Variants in FAM193A observed in about 807,000 individuals in gnomAD.
FAM193A encodes the protein family with sequence similarity 193 member A, also known as protein FAM193A.
A neutral mutation model predicts 126.5 loss-of-function variants in FAM193A; 22 were observed. The observed-to-expected ratio is 0.17, with a 90% CI of 0.12 to 0.25. The LOEUF is 0.25. FAM193A is among the 10% of genes least tolerant of loss of function. The probability of loss-of-function intolerance (pLI) is 1.00; values close to 1 mark genes in which losing one functional copy is unlikely to be tolerated. For missense variants in FAM193A, 1,675 were observed against 1,672.8 expected, an observed-to-expected ratio of 1.00 and a Z score of -0.02; for synonymous variants, 761 against 646.8, an observed-to-expected ratio of 1.18 and a Z score of -2.68.
intron 1 of FAM193A, among the ~76,000 whole-genome samples, chr4:2,553,064 T>C (rs918113502): frequency 5.3e-5 from 8 of 151,946 alleles, no homozygotes; most frequent in African/African-American, 1.7e-4. Context: ...GTCAGGCTGT[T>C]GTCAAACTCC....
chr4:2,624,609 C>T (rs1199974682), intron 2 of FAM193A, among the ~76,000 whole-genome samples: 1 of 152,218 alleles, frequency 6.6e-6, no homozygotes, highest in Non-Finnish European at 1.5e-5. Context: ...ATATCACTTT[C>T]CAGAGGTGCC....
At position 2,659,587 on chromosome 4, in the gene FAM193A, G is replaced by T; in HGVS notation, c.1419G>T (p.Glu473Asp). The T allele has an allele frequency of 6.2e-7, 1 of 1,614,054 alleles. No individual in the cohort carries two copies. Among genetic ancestry groups the T allele is most frequent in the Non-Finnish European group, 8.5e-7 (1 of 1,179,962 alleles). Residue 473 changes from glutamate (E) to aspartate (D), a missense_variant, in exon 9 of 21, where the codon GAG becomes GAT. By Grantham distance (45) the Glu-to-Asp change is conservative (BLOSUM62 2). Around this residue, in one of 4 missense-constraint regions of FAM193A, gnomAD observed 1,186 missense variants for 1,109.2 expected, o/e 1.07. Transcript: ENST00000637812. ...QLTNKKAVTG[E>D]NNFTDTMRHM... ...CCAATAAGAAAGCAGTTACTGGCGA[G>T]AACAACTTCACAGACACCATGAGGC... is the stretch of plus-strand genomic sequence containing the variant.
At chr4:2,576,270 T>C (rs1016851925) in intron 1 of FAM193A, among the ~76,000 whole-genome samples, 12 of 151,808 alleles carry the variant, frequency 7.9e-5, no homozygotes, top group South Asian at 4.2e-4. Flanking sequence ...GCTAATTCTT[T>C]TGTAATTTTA....
intron 4 of FAM193A, among the ~76,000 whole-genome samples, chr4:2,630,627 A>G (rs891802986): frequency 1.4e-4 from 21 of 152,202 alleles, no homozygotes; most frequent in Non-Finnish European, 8.8e-5. Flanking sequence ...GTGGGCCAAA[A>G]TGTCCCCTCT....
intron 17 of FAM193A, chr4:2,696,150 T>C (rs1717009513): frequency 2.0e-6 from 1 of 491,416 alleles, no homozygotes; most frequent in Non-Finnish European, 3.6e-6. Flanking sequence ...TTTTCATGAA[T>C]ATGTAAAATT....
chr4:2,725,971 T>A (rs1560623165), intron 20 of FAM193A, among the ~76,000 whole-genome samples: 1 of 151,716 alleles, frequency 6.6e-6, no homozygotes, highest in Non-Finnish European at 1.5e-5. Context: ...CGATTTCGGC[T>A]CACTGCAAGC....
chr4:2,699,536 G>A, intron 18 of FAM193A, 144 bp from the exon 19 acceptor site: 1 of 687,064 alleles, frequency 1.5e-6, no homozygotes, highest in Non-Finnish European at 2.4e-6. Context: ...GGAGGTGGGT[G>A]TGTGTTAAGT....
intron 1 of FAM193A, among the ~76,000 whole-genome samples, chr4:2,586,937 G>C (rs1740273105): frequency 6.6e-6 from 1 of 152,190 alleles, no homozygotes; most frequent in Non-Finnish European, 1.5e-5. Context: ...ACAGGAGTCA[G>C]CTGCCATGCT....
At chr4:2,701,481 C>A (rs1182855331) in intron 19 of FAM193A, among the ~76,000 whole-genome samples, 2 of 152,016 alleles carry the variant, frequency 1.3e-5, no homozygotes, top group African/African-American at 2.4e-5. Flanking sequence ...TCTTCCCAGT[C>A]AGGTTCAGAT....
rs187647979 is a variant in FAM193A at position 2,703,789 on chromosome 4, C to T, written c.4372+3245C>T. Among the ~76,000 whole-genome samples, 3 of 136,536 alleles carry T rather than the reference C, an allele frequency of 2.2e-5. No homozygotes were observed. In the Admixed American group the frequency reaches 2.4e-4, roughly 11 times the overall value. 89.6% of individuals were successfully genotyped at this position (136,536 alleles called of 152,430 possible). ...GACCAGCCTGGGCAATATAGCAAGA[C>T]CCCATCTCTACTAAAAAAAAAAAAA... On this transcript the variant is annotated intron_variant, in intron 19 of 20. Transcript: ENST00000637812.
intron 20 of FAM193A, among the ~76,000 whole-genome samples, chr4:2,716,609 G>A (rs1295325281): frequency 6.6e-6 from 1 of 152,130 alleles, no homozygotes; most frequent in Non-Finnish European, 1.5e-5. Context: ...TTTCCTGATG[G>A]GCAAGTTTTA....
intron 1 of FAM193A, among the ~76,000 whole-genome samples, chr4:2,547,560 C>T (rs1161793988): frequency 6.6e-6 from 1 of 150,508 alleles, no homozygotes; most frequent in Admixed American, 6.6e-5. Flanking sequence ...TAAAACTAGA[C>T]AGACAGTTTA....
At chr4:2,646,159 CTTTTTTTTTTTTTTT>C (rs568447182) in intron 6 of FAM193A, among the ~76,000 whole-genome samples, 6 of 69,094 alleles carry the variant, frequency 8.7e-5, no homozygotes, top group South Asian at 8.0e-4. Flanking sequence ...TGAGCATCTC[CTTTTTTTTTTTTTTT>C]TTTTTTTTTT....
intron 2 of FAM193A, among the ~76,000 whole-genome samples, chr4:2,622,890 C>T (rs185071670): frequency 2.3e-3 from 357 of 152,026 alleles, no homozygotes; most frequent in South Asian, 8.6e-3. Flanking sequence ...TGAACGGGGG[C>T]GGGCGGGGGC....
chr4:2,585,029 A>G (rs1460460797), intron 1 of FAM193A, among the ~76,000 whole-genome samples: 1 of 152,238 alleles, frequency 6.6e-6, no homozygotes, highest in Non-Finnish European at 1.5e-5. Flanking sequence ...AATACGGTAT[A>G]TAACTTGTCT....
At chr4:2,641,668 AAAAC>A (rs754404051) in intron 6 of FAM193A, among the ~76,000 whole-genome samples, 24 of 152,102 alleles carry the variant, frequency 1.6e-4, no homozygotes, top group Non-Finnish European at 2.2e-4. Flanking sequence ...ACAAAATACA[AAAAC>A]AAACAAACAA....
At chr4:2,636,571 A>AG (rs1744113837) in intron 5 of FAM193A, among the ~76,000 whole-genome samples, 1 of 152,198 alleles carries the variant, frequency 6.6e-6, no homozygotes, top group Non-Finnish European at 1.5e-5. Flanking sequence ...AGTGTCATTC[A>AG]TAGGTCATTT....
chr4:2,692,926 G>A (rs934218785), intron 15 of FAM193A, among the ~76,000 whole-genome samples: 5 of 152,078 alleles, frequency 3.3e-5, no homozygotes, highest in Admixed American at 6.5e-5. Flanking sequence ...TAAAAAGCTC[G>A]GTACAGTGGC....
rs1721461474 is a variant in FAM193A, at chr4:2,732,052, G to C, written c.*184G>C. The stretch of plus-strand genomic sequence containing the variant: ...CACGCCGTTAGCTCGTGTGCGTGTA[G>C]TCTGTGCGTGAGACTCCTTCGATTG... On this transcript the variant is annotated 3_prime_UTR_variant, in exon 21 of 21. Coordinates refer to ENST00000637812, the MANE Select transcript of FAM193A (RefSeq NM_001366318.2). The C allele has an allele frequency of 3.2e-5, 20 of 618,830 alleles. 1 individual carries two copies. The South Asian group carries it at 3.7e-4, about 11-fold the overall frequency. The allele number at this position is 618,830 out of a possible 1,614,324, so 38.3% of individuals were successfully genotyped here.
Sources: allele counts gnomAD v4.1 joint callset (sites outside exome capture counted in the v4.1 genomes callset), GRCh38; gene constraint gnomAD v4.1.1; regional missense constraint gnomAD v4.1.1; transcripts MANE v1.5; gene names NCBI Gene and HGNC (gene_info 2026-07-23, HGNC 2026-07-21).